ABI3BP: variants seen among roughly 807,000 people sequenced by gnomAD.
The protein encoded by ABI3BP is target of Nesh-SH3.
A neutral mutation model predicts 268.6 loss-of-function variants in ABI3BP; 216 were observed. The ratio of observed to expected loss-of-function variants is 0.80; its 90% CI spans 0.72 to 0.90. The LOEUF (loss-of-function observed/expected upper bound fraction) is 0.90, where lower values mean the gene tolerates loss of function less well. ABI3BP is among the 40% of genes least tolerant of loss of function. The pLI is 0.00. For missense variants in ABI3BP, 2,090 were observed against 2,182.4 expected (o/e 0.96, Z 0.84); for synonymous variants, 730 against 730.0 (o/e 1.00, Z 0.00).
chr3:100,981,714 T>C (rs1314674952), intron 1 of ABI3BP, among the ~76,000 whole-genome samples: 1 of 152,126 alleles, frequency 6.6e-6, no homozygotes, highest in African/African-American at 2.4e-5. Flanking sequence ...TGGATGAGAG[T>C]ACAGGAGTGG....
At chr3:100,877,903 A>G (rs995841222) in intron 6 of ABI3BP, among the ~76,000 whole-genome samples, 1 of 152,170 alleles carries the variant, frequency 6.6e-6, no homozygotes, top group Non-Finnish European at 1.5e-5. Flanking sequence ...TACCATTTTA[A>G]TAAGTGATAT....
chr3:100,815,099 G>A (rs1163859831), intron 44 of ABI3BP, among the ~76,000 whole-genome samples: 1 of 152,062 alleles, frequency 6.6e-6, no homozygotes, highest in Non-Finnish European at 1.5e-5. Context: ...AAGGTCTGAG[G>A]GATGGAATAA....
At chr3:100,898,657 C>A in intron 4 of ABI3BP, 105 bp downstream of exon 4, 1 of 1,295,754 alleles carries the variant, frequency 7.7e-7, no homozygotes. Context: ...ACACCTAGAA[C>A]AGGCTGTACA....
chr3:100,778,175 G>A (rs151337695), intron 59 of ABI3BP, 109 bp downstream of exon 59: 269 of 1,056,718 alleles, frequency 2.5e-4, no homozygotes, highest in Non-Finnish European at 2.9e-4. Context: ...CAACACAAAC[G>A]TGTCACACAC....
intron 1 of ABI3BP, among the ~76,000 whole-genome samples, chr3:100,990,566 TTA>T (rs956225292): frequency 6.7e-6 from 1 of 148,408 alleles, no homozygotes; most frequent in Admixed American, 6.8e-5. Context: ...CTATATATGG[TTA>T]TATATATATA....
intron 63 of ABI3BP, among the ~76,000 whole-genome samples, chr3:100,758,110 A>C (rs1386166099): frequency 7.4e-6 from 1 of 135,782 alleles, no homozygotes; most frequent in African/African-American, 3.3e-5. Context: ...ACAAACAAAC[A>C]AAAAAAAAAC....
intron 19 of ABI3BP, 110 bp downstream of exon 19, chr3:100,847,492 G>A (rs543424110): frequency 1.1e-6 from 1 of 951,226 alleles, no homozygotes; most frequent in African/African-American, 1.6e-5. Flanking sequence ...CTGTTCAAAT[G>A]AACCGTTTTG....
intron 54 of ABI3BP, among the ~76,000 whole-genome samples, chr3:100,794,609 A>G (rs373030823): frequency 1.2e-4 from 18 of 151,978 alleles, no homozygotes; most frequent in African/African-American, 4.1e-4. Flanking sequence ...AGAAAAAGCA[A>G]CAAAAAAGAA....
intron 57 of ABI3BP, among the ~76,000 whole-genome samples, chr3:100,784,099 A>C (rs2096953150): frequency 6.6e-6 from 1 of 152,220 alleles, no homozygotes; most frequent in Non-Finnish European, 1.5e-5. Flanking sequence ...TACATCAGGG[A>C]AAATATCTAA....
intron 57 of ABI3BP, among the ~76,000 whole-genome samples, chr3:100,784,040 C>T (rs1203023781): frequency 6.6e-6 from 1 of 151,880 alleles, no homozygotes; most frequent in Non-Finnish European, 1.5e-5. Flanking sequence ...TACTTTCTAA[C>T]CTTGGGGTAC....
At chr3:100,924,568 G>A (rs1192827672) in intron 2 of ABI3BP, among the ~76,000 whole-genome samples, 1 of 152,082 alleles carries the variant, frequency 6.6e-6, no homozygotes, top group Non-Finnish European at 1.5e-5. Context: ...CAAGCTGCAT[G>A]CTGAGATATG....
chr3:100,977,339 A>G (rs1199945451), intron 1 of ABI3BP, among the ~76,000 whole-genome samples: 1 of 152,204 alleles, frequency 6.6e-6, no homozygotes, highest in African/African-American at 2.4e-5. Context: ...TCATCCATAC[A>G]GTTTCTGTGG....
rs2153169107 is a variant in ABI3BP, at chr3:100,862,521, A to G, written c.1211-136T>C. The G allele has an allele frequency of 1.1e-5, 7 of 627,782 alleles. No homozygotes were observed. The South Asian group carries it at 1.5e-4, about 13-fold the overall frequency. The allele number at this position is 627,782 out of a possible 1,614,324, so 38.9% of individuals were successfully genotyped here. A position where few individuals can be genotyped will look rare whatever the true frequency, so the allele number is the denominator to read the frequency against. On this transcript the variant is annotated intron_variant, in intron 13 of 67. Coordinates refer to ENST00000471714, the MANE Select transcript of ABI3BP (RefSeq NM_001375547.2). ...TACCAATACAATAAAAAGTCATTAT[A>G]TATCAGTAAGAAATCAGTATGTATC...
chr3:100,895,103 G>C (rs1355272335), intron 4 of ABI3BP, among the ~76,000 whole-genome samples: 1 of 151,784 alleles, frequency 6.6e-6, no homozygotes, highest in Non-Finnish European at 1.5e-5. Context: ...GGAAACATGA[G>C]AAAGAAAAAA....
intron 6 of ABI3BP, among the ~76,000 whole-genome samples, chr3:100,882,105 GT>G (rs1561227215): frequency 2.0e-5 from 3 of 152,110 alleles, no homozygotes. Flanking sequence ...GTGTTCAAGA[GT>G]TTTTGCTGCT....
At chr3:100,955,001 A>C (rs77835494) in intron 1 of ABI3BP, among the ~76,000 whole-genome samples, 5 of 4,876 alleles carry the variant, frequency 1.0e-3, no homozygotes, top group African/African-American at 3.7e-3. Flanking sequence ...TTTTTTTTTT[A>C]CGAATCATAA....
In ABI3BP at chr3:100,830,513, A is replaced by G. The variant is rs2098472920; in HGVS notation, c.2458+65T>C. On this transcript the variant is annotated intron_variant, in intron 32 of 67. Transcript: ENST00000471714. The stretch of plus-strand genomic sequence containing the variant: ...TGAAGCGGGAGAAGCTGTGGTTATG[A>G]TGGTGATGAATGGGTTTGAAATGAG... 22 of 1,356,270 alleles carry G rather than the reference A, an allele frequency of 1.6e-5. No homozygotes were observed. The South Asian group carries it at 2.6e-4, about 16-fold the overall frequency. The allele number at this position is 1,356,270 out of a possible 1,614,324, so 84.0% of individuals were successfully genotyped here.
At chr3:100,985,653 G>T (rs1164790744) in intron 1 of ABI3BP, among the ~76,000 whole-genome samples, 1 of 152,168 alleles carries the variant, frequency 6.6e-6, no homozygotes, top group African/African-American at 2.4e-5. Context: ...AACCAGCAAA[G>T]GAATCTAGGC....
At chr3:100,846,278 A>G in intron 20 of ABI3BP, 94 bp downstream of exon 20, 1 of 903,422 alleles carries the variant, frequency 1.1e-6, no homozygotes, top group East Asian at 2.7e-5. Context: ...AACAAATGTC[A>G]AAATATAAAT....
Sources: allele counts gnomAD v4.1 joint callset (sites outside exome capture counted in the v4.1 genomes callset), GRCh38; gene constraint gnomAD v4.1.1; transcripts MANE v1.5; gene names NCBI Gene and HGNC (gene_info 2026-07-23, HGNC 2026-07-21).